The following CDH12 variants were observed in gnomAD, a reference collection of about 807,000 sequenced individuals.
CDH12 encodes the protein cadherin-12.
Under a neutral mutation model 74.1 loss-of-function variants are expected in CDH12, and 41 were observed. That is an observed-to-expected ratio of 0.55 (90% CI 0.43 to 0.72). The LOEUF (loss-of-function observed/expected upper bound fraction) is 0.72, where lower values mean the gene tolerates loss of function less well. CDH12 is among the 30% of genes least tolerant of loss of function. CDH12 has a pLI of 0.00. For missense variants in CDH12, 945 were observed against 977.2 expected, an observed-to-expected ratio of 0.97 and a Z score of 0.44; for synonymous variants, 399 against 355.0, an observed-to-expected ratio of 1.12 and a Z score of -1.39.
chr5:21,802,510 A>G (rs1216130633), intron 9 of CDH12, 90 bp from the exon 10 acceptor site: 2 of 1,057,536 alleles, frequency 1.9e-6, no homozygotes, highest in African/African-American at 1.6e-5. Flanking sequence ...TTTGCAAGTT[A>G]TTATCAATTA....
At chr5:22,239,668 G>A (rs909637879) in intron 3 of CDH12, among the ~76,000 whole-genome samples, 10 of 152,130 alleles carry the variant, frequency 6.6e-5, no homozygotes, top group African/African-American at 2.4e-4. Flanking sequence ...GTTTAACGGT[G>A]TTGAGGAAAT....
intron 5 of CDH12, among the ~76,000 whole-genome samples, chr5:22,032,918 G>A (rs938348260): frequency 1.3e-5 from 2 of 150,842 alleles, no homozygotes; most frequent in Non-Finnish European, 2.9e-5. Context: ...ACCTAGCCTT[G>A]TCATGGTGGG....
intron 3 of CDH12, among the ~76,000 whole-genome samples, chr5:22,367,668 A>G (rs1409130353): frequency 5.3e-5 from 8 of 152,120 alleles, no homozygotes; most frequent in Admixed American, 5.2e-4. Context: ...TATGGTGCAT[A>G]TTTATGCTTT....
chr5:22,569,275 C>CAAT (rs1739432645), intron 1 of CDH12, among the ~76,000 whole-genome samples: 1 of 152,110 alleles, frequency 6.6e-6, no homozygotes. Context: ...GCTGTTCTTG[C>CAAT]AATAGTAAGT....
At chr5:22,657,907 A>G (rs1401007134) in intron 1 of CDH12, among the ~76,000 whole-genome samples, 1 of 152,218 alleles carries the variant, frequency 6.6e-6, no homozygotes, top group African/African-American at 2.4e-5. Context: ...AAGAGAGGAC[A>G]TTGATTAAAC....
At chr5:22,058,707 GAAAA>G (rs1005556584) in intron 5 of CDH12, among the ~76,000 whole-genome samples, 5 of 91,858 alleles carry the variant, frequency 5.4e-5, no homozygotes, top group African/African-American at 2.0e-4. Flanking sequence ...AAAGAAGAAA[GAAAA>G]AGAAAGAAAG....
chr5:22,772,518 A>G (rs924992151), intron 1 of CDH12, among the ~76,000 whole-genome samples: 3 of 152,116 alleles, frequency 2.0e-5, no homozygotes, highest in Admixed American at 1.3e-4. Flanking sequence ...CCGAGGAATA[A>G]AAGAATTAAC....
At chr5:22,699,380 A>G (rs1742589881) in intron 1 of CDH12, among the ~76,000 whole-genome samples, 1 of 152,240 alleles carries the variant, frequency 6.6e-6, no homozygotes, top group Non-Finnish European at 1.5e-5. Flanking sequence ...GTGGGATTTC[A>G]TGTGAATGAA....
chr5:21,871,853 C>T (rs560681141), intron 6 of CDH12, among the ~76,000 whole-genome samples: 35 of 152,248 alleles, frequency 2.3e-4, no homozygotes, highest in African/African-American at 8.2e-4. Context: ...ACTCTCACCC[C>T]TGAATATTCA....
At chr5:21,874,806 C>T (rs569606572) in intron 6 of CDH12, among the ~76,000 whole-genome samples, 23 of 152,286 alleles carry the variant, frequency 1.5e-4, no homozygotes, top group Admixed American at 1.4e-3. Context: ...TGCTCCCAGT[C>T]GGGCTAGAGG....
intron 5 of CDH12, among the ~76,000 whole-genome samples, chr5:22,004,848 TA>T (rs1736843984): frequency 6.6e-6 from 1 of 152,170 alleles, no homozygotes; most frequent in Non-Finnish European, 1.5e-5. Flanking sequence ...TTTTCCTCTT[TA>T]TGTCCATGTG....
chr5:21,915,714 G>T (rs7444741), intron 6 of CDH12, among the ~76,000 whole-genome samples: 111,828 of 151,766 alleles, frequency 0.74, 43,950 homozygotes, highest in East Asian at 0.93. Context: ...AATGAGTAAT[G>T]GTGTAGGGTA....
chr5:22,848,587 G>T (rs1054216183), intron 1 of CDH12, among the ~76,000 whole-genome samples: 3 of 152,092 alleles, frequency 2.0e-5, no homozygotes, highest in African/African-American at 7.2e-5. Flanking sequence ...TTGGATCTCA[G>T]ATCTTCTGTC....
At chr5:22,423,206 T>TAAAAAAAAAAA (rs58915238) in intron 2 of CDH12, among the ~76,000 whole-genome samples, 3 of 121,422 alleles carry the variant, frequency 2.5e-5, no homozygotes, top group Non-Finnish European at 5.2e-5. Context: ...GTAAACACAG[T>TAAAAAAAAAAA]AAAAAAAAAA....
At chr5:21,959,776 A>T (rs1283856489) in intron 6 of CDH12, among the ~76,000 whole-genome samples, 2 of 141,436 alleles carry the variant, frequency 1.4e-5, no homozygotes, top group Non-Finnish European at 3.1e-5. Flanking sequence ...AAAAAAAAAA[A>T]TTAGCTGGGC....
chr5:21,984,828 G>A (rs1175939269), intron 5 of CDH12, among the ~76,000 whole-genome samples: 1 of 152,050 alleles, frequency 6.6e-6, no homozygotes, highest in African/African-American at 2.4e-5. Flanking sequence ...TCAACATTTT[G>A]TTGTATTTGC....
intron 6 of CDH12, among the ~76,000 whole-genome samples, chr5:21,891,683 T>C (rs370155227): frequency 2.6e-5 from 4 of 152,244 alleles, no homozygotes. Flanking sequence ...AGTGTTTGGA[T>C]GTAGCCAAAA....
At chr5:21,895,763 G>GCC (rs1753096184) in intron 6 of CDH12, among the ~76,000 whole-genome samples, 1 of 152,164 alleles carries the variant, frequency 6.6e-6, no homozygotes, top group Non-Finnish European at 1.5e-5. Flanking sequence ...CCAGGTAGTA[G>GCC]CCTTCATGAT....
intron 8 of CDH12, among the ~76,000 whole-genome samples, chr5:21,834,239 C>A (rs900401807): frequency 2.0e-5 from 3 of 151,750 alleles, no homozygotes; most frequent in Admixed American, 6.6e-5. Context: ...ACATAACACA[C>A]AATTCATATA....
Sources: gnomAD v4.1 joint callset for allele counts (sites outside exome capture counted in the v4.1 genomes callset) on GRCh38, gnomAD v4.1.1 for gene constraint, MANE v1.5 for transcripts, NCBI Gene and HGNC (gene_info 2026-07-23, HGNC 2026-07-21) for gene names.